LYSMD1: variants seen among roughly 807,000 people sequenced by gnomAD.
LYSMD1 encodes the protein lysM and putative peptidoglycan-binding domain-containing protein 1.
In LYSMD1, 9 loss-of-function variants were observed where a neutral mutation model predicts 19.3. That is an observed-to-expected ratio of 0.47 (90% CI 0.28 to 0.81). The LOEUF (loss-of-function observed/expected upper bound fraction) is 0.81, where lower values mean the gene tolerates loss of function less well. LYSMD1 is among the 40% of genes least tolerant of loss of function. LYSMD1 has a pLI of 0.11. For missense variants in LYSMD1, 262 were observed against 279.8 expected, an observed-to-expected ratio of 0.94 and a Z score of 0.45; for synonymous variants, 111 against 111.7, an observed-to-expected ratio of 0.99 and a Z score of 0.04.
At chr1:151,164,130 G>A (rs1262228732) in intron 1 of LYSMD1, among the ~76,000 whole-genome samples, 1 of 152,024 alleles carries the variant, frequency 6.6e-6, no homozygotes, top group Non-Finnish European at 1.5e-5. Flanking sequence ...GTAACCTTAG[G>A]TGATCCACTT....
At chr1:151,162,197 C>A in intron 1 of LYSMD1, 97 bp from the exon 2 acceptor site, 1 of 1,161,378 alleles carries the variant, frequency 8.6e-7, no homozygotes, top group East Asian at 2.5e-5. Context: ...TCTTTGATTC[C>A]ATAACAACCA....
In LYSMD1 at chr1:151,161,030, A is replaced by G. The variant is rs753182202; in HGVS notation, c.546-10T>C. ...ATCCTCCCCAGGTACCCTGCAATTG[A>G]GGAAAGGGGGGAAAGAGTGACAGAT... On this transcript the variant is annotated splice_polypyrimidine_tract_variant and intron_variant, in intron 2 of 2. Transcript: ENST00000368908. 1 of 1,613,086 alleles carries G rather than the reference A, an allele frequency of 6.2e-7. No homozygotes were observed. Among genetic ancestry groups the G allele is most frequent in the Non-Finnish European group, 8.5e-7 (1 of 1,179,240 alleles).
In LYSMD1 at chr1:151,165,777, C is replaced by T; in HGVS notation, c.-519G>A. On this transcript the variant is annotated 5_prime_UTR_variant, in exon 1 of 3. Transcript: ENST00000368908. ...ACTCAGAGATCCTCAAAGGTCCGCTCCGCATAAGATAGGTCACACCCTCAA... is the reference window on the plus strand; with the variant it reads ...ACTCAGAGATCCTCAAAGGTCCGCTTCGCATAAGATAGGTCACACCCTCAA... 6.4e-7 allele frequency: 1 copy of T among 1,551,666 alleles called. No homozygotes were observed.
intron 1 of LYSMD1, among the ~76,000 whole-genome samples, chr1:151,163,668 C>T (rs1269595387): frequency 6.6e-6 from 1 of 152,060 alleles, no homozygotes; most frequent in Non-Finnish European, 1.5e-5. Flanking sequence ...GGTGGGATTA[C>T]AGGCACATGC....
At chr1:151,148,856 G>C in the LYSMD1 span, among the ~76,000 whole-genome samples, 4 of 152,198 alleles carry the variant, frequency 2.6e-5, no homozygotes, top group Non-Finnish European at 5.9e-5. Flanking sequence ...ACAAATTACA[G>C]AAGGCCTGGA....
chr1:151,165,620 G>T lies in LYSMD1; in HGVS notation c.-362C>A, dbSNP rs587744812. The T allele has an allele frequency of 1.2e-5, 19 of 1,534,150 alleles. No individual in the cohort carries two copies. In the South Asian group the frequency reaches 2.3e-4, roughly 19 times the overall value. On this transcript the variant is annotated 5_prime_UTR_variant, in exon 1 of 3. Coordinates refer to ENST00000368908, the MANE Select transcript of LYSMD1 (RefSeq NM_212551.5). ...CCCCCAAGTAGCCTGGCCTCAGGGC[G>T]CTCCAACATCCCAGCTCTCCCCGGT... is the stretch of plus-strand genomic sequence containing the variant.
At chr1:151,158,666 T>C (rs1394414720), downstream of LYSMD1, 1 of 1,528,612 alleles carries the variant, frequency 6.5e-7, no homozygotes, top group Non-Finnish European at 8.8e-7. Flanking sequence ...TTTCTTCTAG[T>C]GACTGACCAC....
chr1:151,157,535 G>GC (rs1299244028), downstream of LYSMD1, among the ~76,000 whole-genome samples: 1 of 152,176 alleles, frequency 6.6e-6, no homozygotes, highest in Non-Finnish European at 1.5e-5. Context: ...CTTCAGGACT[G>GC]CCTGCCCTTC....
downstream of LYSMD1, chr1:151,159,710 G>A: frequency 1.1e-5 from 2 of 183,862 alleles, no homozygotes. Context: ...GGCTAGGGCA[G>A]GGGAGATTCT....
chr1:151,154,485 A>AG, the LYSMD1 span, among the ~76,000 whole-genome samples: 17 of 151,568 alleles, frequency 1.1e-4, 1 homozygote, highest in Non-Finnish European at 1.9e-4. Flanking sequence ...TGTCAAAAAA[A>AG]AAAAGAAAGA....
At chr1:151,150,930 G>A in the LYSMD1 span, among the ~76,000 whole-genome samples, 3 of 151,458 alleles carry the variant, frequency 2.0e-5, no homozygotes, top group Non-Finnish European at 2.9e-5. Context: ...GTAGAGACAG[G>A]GTTTCGCCAT....
At position 151,165,601 on chromosome 1, in the gene LYSMD1, A is replaced by G; in HGVS notation, c.-343T>C. The G allele has an allele frequency of 7.3e-6, 11 of 1,514,234 alleles. No individual in the cohort carries two copies. The South Asian group carries it at 1.0e-4, about 14-fold the overall frequency. 93.8% of individuals were successfully genotyped at this position (1,514,234 alleles called of 1,614,324 possible). ...ACACTCTTTCCTCAGTTTGCCCCCA[A>G]GTAGCCTGGCCTCAGGGCGCTCCAA... On this transcript the variant is annotated 5_prime_UTR_variant, in exon 1 of 3. Coordinates refer to ENST00000368908, the MANE Select transcript of LYSMD1 (RefSeq NM_212551.5).
intron 1 of LYSMD1, among the ~76,000 whole-genome samples, chr1:151,162,994 G>A (rs1484098457): frequency 6.6e-6 from 1 of 152,122 alleles, no homozygotes; most frequent in East Asian, 1.9e-4. Flanking sequence ...AACCAAATTA[G>A]CATTCAAGGG....
downstream of LYSMD1, among the ~76,000 whole-genome samples, chr1:151,157,577 G>A (rs918031926): frequency 1.3e-5 from 2 of 152,174 alleles, no homozygotes; most frequent in Admixed American, 6.5e-5. Flanking sequence ...CTTCCTCAGT[G>A]TGCTTTAACC....
At chr1:151,151,677 C>T in the LYSMD1 span, among the ~76,000 whole-genome samples, 2 of 151,702 alleles carry the variant, frequency 1.3e-5, no homozygotes, top group Non-Finnish European at 2.9e-5. Flanking sequence ...CACCTATAAT[C>T]CCAGCACTTT....
chr1:151,151,743 G>A, the LYSMD1 span, among the ~76,000 whole-genome samples: 9 of 151,312 alleles, frequency 5.9e-5, no homozygotes, highest in Middle Eastern at 3.4e-3. Context: ...CAGCCTGACC[G>A]ACATAGAGAA....
downstream of LYSMD1, chr1:151,159,473 G>A (rs903122521): frequency 3.7e-6 from 2 of 538,678 alleles, no homozygotes; most frequent in Non-Finnish European, 6.8e-6. Context: ...TCCAGCCCCA[G>A]GACAGGAAAC....
chr1:151,161,565 T>C (rs1411354702), intron 2 of LYSMD1, among the ~76,000 whole-genome samples, 171 bp downstream of exon 2: 1 of 152,024 alleles, frequency 6.6e-6, no homozygotes, highest in Non-Finnish European at 1.5e-5. Context: ...CCACTGCCTC[T>C]ACCCAGGCCA....
chr1:151,151,854 G>A, the LYSMD1 span, among the ~76,000 whole-genome samples: 4 of 151,180 alleles, frequency 2.6e-5, no homozygotes, highest in South Asian at 2.1e-4. Context: ...ACTTGAACCC[G>A]GGAGGTGGAG....
Sources: gnomAD v4.1 joint callset for allele counts (sites outside exome capture counted in the v4.1 genomes callset) on GRCh38, gnomAD v4.1.1 for gene constraint, MANE v1.5 for transcripts, NCBI Gene and HGNC (gene_info 2026-07-23, HGNC 2026-07-21) for gene names.